The following LARP1 variants were observed in gnomAD, a reference collection of about 807,000 sequenced individuals.
The protein encoded by LARP1 is La ribonucleoprotein 1, translational regulator.
LARP1 carries 36 observed loss-of-function variants against 122.7 expected under a neutral mutation model. The ratio of observed to expected loss-of-function variants is 0.29; its 90% confidence interval spans 0.22 to 0.39. The LOEUF (loss-of-function observed/expected upper bound fraction) is 0.39. Ranked by LOEUF, LARP1 falls within the 10% of genes least tolerant of loss-of-function variation. The probability of loss-of-function intolerance (pLI) is 1.00; values close to 1 mark genes in which losing one functional copy is unlikely to be tolerated. For missense variants in LARP1, 1,040 were observed against 1,403.6 expected (o/e 0.74, Z 4.14); for synonymous variants, 539 against 528.7 (o/e 1.02, Z -0.27).
At chr5:154,766,554 A>G (rs1024274888) in intron 1 of LARP1, among the ~76,000 whole-genome samples, 1 of 152,172 alleles carries the variant, frequency 6.6e-6, no homozygotes, top group Non-Finnish European at 1.5e-5. Flanking sequence ...TTGCTGATGA[A>G]CTGGTTGAGC....
intron 1 of LARP1, chr5:154,718,459 A>T (rs377483052): frequency 7.9e-5 from 12 of 152,230 alleles, no homozygotes; most frequent in African/African-American, 2.9e-4. Flanking sequence ...ACTGATCAGC[A>T]TGGGAGCACT....
chr5:154,782,867 T>C (rs1756573933), intron 1 of LARP1, among the ~76,000 whole-genome samples: 1 of 152,062 alleles, frequency 6.6e-6, no homozygotes, highest in Non-Finnish European at 1.5e-5. Context: ...CTTTACTCCA[T>C]AGAAGAATGT....
chr5:154,787,814 CTGTT>C lies in LARP1; in HGVS notation c.437-2507_437-2504del, dbSNP rs567679853. 4.2e-3 allele frequency among the ~76,000 whole-genome samples: 643 copies of C among 152,316 alleles called. 3 individuals are homozygous for C. The highest frequency in any genetic ancestry group is 7.1e-3 in the Non-Finnish European group (482 of 68,026). ...AAGAATATTCATGTGTATGCTCAGACTGTTTGTATTCTCATCAGCTTGGGATTGG... is the reference window on the plus strand; with the variant it reads ...AAGAATATTCATGTGTATGCTCAGACTGTATTCTCATCAGCTTGGGATTGG... On this transcript the variant is annotated intron_variant, in intron 1 of 18. Transcript: ENST00000518297.
chr5:154,723,151 C>G (rs887334734), intron 1 of LARP1, among the ~76,000 whole-genome samples: 4 of 152,204 alleles, frequency 2.6e-5, no homozygotes, highest in Admixed American at 2.6e-4. Flanking sequence ...GGACTCTCAC[C>G]AGGAGTCTGA....
chr5:154,767,314 G>A (rs1755032945), intron 1 of LARP1, among the ~76,000 whole-genome samples: 1 of 152,188 alleles, frequency 6.6e-6, no homozygotes, highest in South Asian at 2.1e-4. Context: ...TAAGAATGTT[G>A]AATGTTCTTC....
At chr5:154,736,221 G>A (rs548174009) in intron 1 of LARP1, among the ~76,000 whole-genome samples, 1 of 151,058 alleles carries the variant, frequency 6.6e-6, no homozygotes, top group African/African-American at 2.4e-5. Flanking sequence ...TCAGCCTCCC[G>A]AGTAGCTGGG....
At chr5:154,790,998 G>T (rs1209775109) in intron 3 of LARP1, among the ~76,000 whole-genome samples, 1 of 151,726 alleles carries the variant, frequency 6.6e-6, no homozygotes, top group Non-Finnish European at 1.5e-5. Flanking sequence ...TGTATTTTTA[G>T]TAGAGACAAG....
chr5:154,701,801 T>G (rs944157471), intron 1 of LARP1, among the ~76,000 whole-genome samples: 7 of 151,976 alleles, frequency 4.6e-5, no homozygotes, highest in Admixed American at 3.3e-4. Context: ...TTTTATATTT[T>G]TAGTAGAGAT....
chr5:154,810,490 T>G (rs193233288), intron 16 of LARP1, among the ~76,000 whole-genome samples: 320 of 152,094 alleles, frequency 2.1e-3, no homozygotes, highest in Non-Finnish European at 3.0e-3. Flanking sequence ...GTTTTTGTTT[T>G]GTTTTATTTT....
chr5:154,693,580 G>T (rs979592230), intron 1 of LARP1, among the ~76,000 whole-genome samples: 3 of 152,108 alleles, frequency 2.0e-5, no homozygotes, highest in African/African-American at 7.2e-5. Context: ...TCTCGACTGG[G>T]CGCGGTGGCT....
At chr5:154,757,140 C>G (rs1754016778) in intron 1 of LARP1, 1 of 150,824 alleles carries the variant, frequency 6.6e-6, no homozygotes, top group South Asian at 2.1e-4. Context: ...GTGTGCGCGT[C>G]CCCCCTTCCC....
Position 154,793,721 on chromosome 5 carries a change from A to G in LARP1, c.866A>G (p.Lys289Arg), listed in dbSNP as rs765525971. The G allele has an allele frequency of 1.1e-5, 18 of 1,613,996 alleles. No individual in the cohort carries two copies. The highest frequency in any genetic ancestry group is 1.4e-5 in the Non-Finnish European group (17 of 1,179,996). The change falls in exon 5 of 19, where the codon AAA becomes AGA. Residue 289 changes from lysine (K) to arginine (R), a missense_variant and splice_region_variant. This residue lies in a region of LARP1 where 178 missense variants were observed against 178.3 expected (regional missense o/e 1.00). Coordinates refer to ENST00000518297, the MANE Select transcript of LARP1 (RefSeq NM_033551.3). ...RHIPANRGEI[K>R]GSESATYVPV... ...ATACCTGCCAATCGCGGAGAGATCAAAGGTATGCACTACCCACTATGGAGG... is the reference window on the plus strand; with the variant it reads ...ATACCTGCCAATCGCGGAGAGATCAGAGGTATGCACTACCCACTATGGAGG...
intron 1 of LARP1, among the ~76,000 whole-genome samples, chr5:154,742,196 A>AAGATTGCT (rs1752921113): frequency 6.6e-6 from 1 of 152,166 alleles, no homozygotes; most frequent in African/African-American, 2.4e-5. Context: ...AGAAACTATC[A>AAGATTGCT]AGATTGCTAG....
intron 1 of LARP1, among the ~76,000 whole-genome samples, chr5:154,690,596 G>C (rs946324216): frequency 5.3e-5 from 8 of 152,196 alleles, no homozygotes; most frequent in Admixed American, 5.2e-4. Context: ...GCCCCAGAGC[G>C]AGACCCGCCA....
chr5:154,721,771 G>A (rs1485759438), intron 1 of LARP1, among the ~76,000 whole-genome samples: 1 of 152,200 alleles, frequency 6.6e-6, no homozygotes, highest in Non-Finnish European at 1.5e-5. Flanking sequence ...AGAGAAGGCT[G>A]TAAGGAACAT....
intron 14 of LARP1, 54 bp from the exon 15 acceptor site, chr5:154,805,827 A>G (rs1021370817): frequency 6.3e-7 from 1 of 1,580,374 alleles, no homozygotes; most frequent in Admixed American, 1.8e-5. Flanking sequence ...CCCTCCTGAC[A>G]TGGTGGGGCT....
At chr5:154,786,251 G>A (rs1249502191) in intron 1 of LARP1, among the ~76,000 whole-genome samples, 2 of 152,144 alleles carry the variant, frequency 1.3e-5, no homozygotes, top group Non-Finnish European at 2.9e-5. Context: ...ATGTTGGCCA[G>A]GCTGGTCTCT....
At chr5:154,721,929 GAC>G (rs1755896208) in intron 1 of LARP1, among the ~76,000 whole-genome samples, 1 of 152,082 alleles carries the variant, frequency 6.6e-6, no homozygotes, top group African/African-American at 2.4e-5. Context: ...CCAGCACAAT[GAC>G]ACAGTCAGAT....
intron 1 of LARP1, among the ~76,000 whole-genome samples, chr5:154,741,866 G>A (rs1352950581): frequency 6.6e-6 from 1 of 152,088 alleles, no homozygotes; most frequent in East Asian, 1.9e-4. Context: ...CTAAATGAGG[G>A]ACTCCTGGGA....
Sources: allele counts gnomAD v4.1 joint callset (sites outside exome capture counted in the v4.1 genomes callset), GRCh38; gene constraint gnomAD v4.1.1; regional missense constraint gnomAD v4.1.1; transcripts MANE v1.5; gene names NCBI Gene and HGNC (gene_info 2026-07-23, HGNC 2026-07-21).